The following VANGL1 variants were observed in gnomAD, a reference collection of about 807,000 sequenced individuals.
VANGL1 encodes vang-like protein 1.
A neutral mutation model predicts 48.4 loss-of-function variants in VANGL1; 18 were observed. The observed-to-expected ratio is 0.37, with a 90% CI of 0.26 to 0.55. The LOEUF (loss-of-function observed/expected upper bound fraction) is 0.55. VANGL1 is among the 20% of genes least tolerant of loss of function. VANGL1 has a pLI of 0.81. For missense variants in VANGL1, 667 were observed against 675.8 expected (o/e 0.99, Z 0.14); for synonymous variants, 257 against 261.8 (o/e 0.98, Z 0.18).
At chr1:115,648,398 G>C (rs1652015533) in intron 1 of VANGL1, among the ~76,000 whole-genome samples, 2 of 152,172 alleles carry the variant, frequency 1.3e-5, no homozygotes. Flanking sequence ...CCTTTGGTAA[G>C]TACAGGAAGG....
At chr1:115,685,584 C>A in intron 7 of VANGL1, 57 bp downstream of exon 7, 1 of 1,565,412 alleles carries the variant, frequency 6.4e-7, no homozygotes, top group Non-Finnish European at 8.8e-7. Flanking sequence ...CTGAGCTTGG[C>A]CAGTTGAATT....
At chr1:115,663,585 C>T in intron 3 of VANGL1, 76 bp from the exon 4 acceptor site, 2 of 1,591,572 alleles carry the variant, frequency 1.3e-6, no homozygotes, top group East Asian at 2.2e-5. Flanking sequence ...TGCAGCGGGC[C>T]CTGCATGTTC....
chr1:115,663,334 CA>C (rs879393599), intron 3 of VANGL1, among the ~76,000 whole-genome samples: 5 of 152,168 alleles, frequency 3.3e-5, no homozygotes, highest in African/African-American at 4.8e-5. Flanking sequence ...CATTGCAGGG[CA>C]AACAGCTCCA....
chr1:115,676,920 C>T (rs1461684795), intron 4 of VANGL1, among the ~76,000 whole-genome samples: 1 of 152,200 alleles, frequency 6.6e-6, no homozygotes, highest in Non-Finnish European at 1.5e-5. Flanking sequence ...TTCTGTGCTG[C>T]TCTTCCCATC....
At chr1:115,661,465 C>T (rs550038925) in intron 3 of VANGL1, among the ~76,000 whole-genome samples, 1 of 148,304 alleles carries the variant, frequency 6.7e-6, no homozygotes, top group East Asian at 2.1e-4. Flanking sequence ...CCCACCCGCC[C>T]TGCTTAGCAT....
At chr1:115,649,050 A>G (rs1652040082) in intron 1 of VANGL1, among the ~76,000 whole-genome samples, 1 of 152,152 alleles carries the variant, frequency 6.6e-6, no homozygotes, top group African/African-American at 2.4e-5. Flanking sequence ...GCACATCCTA[A>G]TGTTGACGTC....
At chr1:115,684,128 TTTTA>T (rs34363411) in intron 6 of VANGL1, 52 bp downstream of exon 6, 473 of 1,385,692 alleles carry the variant, frequency 3.4e-4, no homozygotes, top group Non-Finnish European at 3.8e-4. Context: ...TAAATTTTTA[TTTTA>T]TTTATTTATT....
intron 4 of VANGL1, among the ~76,000 whole-genome samples, chr1:115,677,403 T>G (rs1653209992): frequency 2.0e-5 from 3 of 152,214 alleles, no homozygotes; most frequent in Admixed American, 1.3e-4. Flanking sequence ...AATAGGCCAG[T>G]AGGCAATGTG....
Position 115,670,182 on chromosome 1 carries a change from G to C in VANGL1, c.812+5914G>C, listed in dbSNP as rs1304680200. On this transcript the variant is annotated intron_variant, in intron 4 of 7. Coordinates refer to ENST00000355485, the MANE Select transcript of VANGL1 (RefSeq NM_138959.3). ...TGGCCATCTGTAAGCCCAGAAGAGA[G>C]CCCTCAATAGGAACCAGGTTGGCTA... Among the ~76,000 whole-genome samples, 3 of 152,178 alleles carry C rather than the reference G, an allele frequency of 2.0e-5. No homozygotes were observed. The East Asian group carries it at 5.8e-4, about 29-fold the overall frequency.
chr1:115,647,071 G>A (rs1651968972), intron 1 of VANGL1, among the ~76,000 whole-genome samples: 1 of 152,166 alleles, frequency 6.6e-6, no homozygotes, highest in South Asian at 2.1e-4. Context: ...AAAGATTTTT[G>A]TATTTTATTT....
At chr1:115,662,215 AATC>A (rs1385686138) in intron 3 of VANGL1, among the ~76,000 whole-genome samples, 1 of 122,780 alleles carries the variant, frequency 8.1e-6, no homozygotes, top group Admixed American at 8.7e-5. Flanking sequence ...ACATTTCATA[AATC>A]ATGGTTTTTT....
intron 4 of VANGL1, among the ~76,000 whole-genome samples, chr1:115,679,151 A>G (rs560027294): frequency 6.6e-6 from 1 of 152,284 alleles, no homozygotes; most frequent in Non-Finnish European, 1.5e-5. Context: ...GCGTTTATCA[A>G]CTTCACCCTG....
chr1:115,643,988 C>G (rs1651824469), intron 1 of VANGL1, among the ~76,000 whole-genome samples: 1 of 151,866 alleles, frequency 6.6e-6, no homozygotes, highest in Admixed American at 6.5e-5. Flanking sequence ...TATTTTAGAT[C>G]CATTTCTTTT....
chr1:115,687,621 A>C (rs1431052328), intron 7 of VANGL1, among the ~76,000 whole-genome samples: 1 of 137,808 alleles, frequency 7.3e-6, no homozygotes, highest in Non-Finnish European at 1.6e-5. Flanking sequence ...AGGAGTTGGT[A>C]TATATTCTTT....
At chr1:115,654,850 G>C (rs574335009) in intron 2 of VANGL1, among the ~76,000 whole-genome samples, 1 of 152,144 alleles carries the variant, frequency 6.6e-6, no homozygotes, top group African/African-American at 2.4e-5. Flanking sequence ...CTAGAATGGC[G>C]GGAGGTCATA....
At chr1:115,651,761 CT>C (rs112781746) in intron 2 of VANGL1, among the ~76,000 whole-genome samples, 3,773 of 145,662 alleles carry the variant, frequency 0.026, 139 homozygotes, top group African/African-American at 0.084. Context: ...CTAGGTATTT[CT>C]TTTTTTTTTT....
chr1:115,676,722 G>A (rs1345168477), intron 4 of VANGL1, among the ~76,000 whole-genome samples: 1 of 152,196 alleles, frequency 6.6e-6, no homozygotes, highest in Non-Finnish European at 1.5e-5. Flanking sequence ...AAGCTCATGA[G>A]ACTTAACCTG....
chr1:115,687,747 GTGTA>G lies in VANGL1; in HGVS notation c.1314+2221_1314+2224del, dbSNP rs1176307988. 1.7e-5 allele frequency among the ~76,000 whole-genome samples: 2 copies of G among 118,818 alleles called. 1 individual carries two copies. The highest frequency in any genetic ancestry group is 3.5e-5 in the Non-Finnish European group (2 of 56,706). The allele number at this position is 118,818 out of a possible 152,430, so 77.9% of individuals were successfully genotyped here. A position where few individuals can be genotyped will look rare whatever the true frequency, so the allele number is the denominator to read the frequency against. On this transcript the variant is annotated intron_variant, in intron 7 of 7. Coordinates refer to ENST00000355485, the MANE Select transcript of VANGL1 (RefSeq NM_138959.3). ...TGTGTGTGTGTGTGTGTGTGTGTGT[GTGTA>G]AACCACAGGCACACGCCACCATGCC...
At chr1:115,654,843 G>T (rs1219822196) in intron 2 of VANGL1, among the ~76,000 whole-genome samples, 2 of 152,146 alleles carry the variant, frequency 1.3e-5, no homozygotes, top group Non-Finnish European at 2.9e-5. Context: ...AGCAGTCCTA[G>T]AATGGCGGGA....
Sources: gnomAD v4.1 joint callset for allele counts (sites outside exome capture counted in the v4.1 genomes callset) on GRCh38, gnomAD v4.1.1 for gene constraint, MANE v1.5 for transcripts, NCBI Gene and HGNC (gene_info 2026-07-23, HGNC 2026-07-21) for gene names.